TMEM132E: variants seen among roughly 807,000 people sequenced by gnomAD.
TMEM132E encodes the protein transmembrane protein 132E.
A neutral mutation model predicts 78.5 loss-of-function variants in TMEM132E; 49 were observed. The observed-to-expected ratio is 0.62, with a 90% confidence interval of 0.50 to 0.79. The LOEUF is 0.79. TMEM132E is among the 30% of genes least tolerant of loss of function. TMEM132E has a pLI of 0.00. For missense variants in TMEM132E, 1,403 were observed against 1,470.9 expected (o/e 0.95, Z 0.75); for synonymous variants, 715 against 670.6 (o/e 1.07, Z -1.02).
At position 34,612,462 on chromosome 17, in the gene TMEM132E, C is replaced by G. The variant is rs538921087; in HGVS notation, c.68-13665C>G. Among the ~76,000 whole-genome samples, 414 of 152,296 alleles carry G rather than the reference C, an allele frequency of 2.7e-3. 5 individuals are homozygous for G. Among genetic ancestry groups the G allele is most frequent in the African/African-American group, 9.6e-3 (397 of 41,564 alleles). ...ATGGGACCCAACTGTGGAGCCCCGG[C>G]AGAGCCCCCACTCAGAGGTAGGAGT... On this transcript the variant is annotated intron_variant, in intron 1 of 8. Coordinates refer to ENST00000631683, the MANE Select transcript of TMEM132E (RefSeq NM_001304438.2).
chr17:34,614,196 G>A (rs569995848), intron 1 of TMEM132E, among the ~76,000 whole-genome samples: 2 of 152,298 alleles, frequency 1.3e-5, no homozygotes, highest in African/African-American at 4.8e-5. Flanking sequence ...CACTAGGAAA[G>A]AGAGGCTCTT....
intron 2 of TMEM132E, among the ~76,000 whole-genome samples, chr17:34,627,926 T>C (rs1907211486): frequency 6.6e-6 from 1 of 152,226 alleles, no homozygotes; most frequent in South Asian, 2.1e-4. Context: ...GGAGTAGAGC[T>C]TGCAGAATTA....
chr17:34,581,799 C>T (rs1299712194), intron 1 of TMEM132E, among the ~76,000 whole-genome samples: 1 of 150,700 alleles, frequency 6.6e-6, no homozygotes, highest in Admixed American at 6.6e-5. Context: ...GCTCCGCGCT[C>T]TCGCATTCTG....
At chr17:34,586,504 G>C (rs567869199) in intron 1 of TMEM132E, among the ~76,000 whole-genome samples, 1 of 151,946 alleles carries the variant, frequency 6.6e-6, no homozygotes. Flanking sequence ...CCAGAGAAAG[G>C]GGGGACTGAG....
chr17:34,623,401 T>TCCCCC (rs5820092), intron 1 of TMEM132E, among the ~76,000 whole-genome samples: 2 of 144,902 alleles, frequency 1.4e-5, no homozygotes, highest in Non-Finnish European at 3.0e-5. Flanking sequence ...TAGTACCCGC[T>TCCCCC]CCCCCCCCCC....
chr17:34,622,657 C>T (rs184311392), intron 1 of TMEM132E, among the ~76,000 whole-genome samples: 2 of 152,358 alleles, frequency 1.3e-5, no homozygotes, highest in African/African-American at 2.4e-5. Flanking sequence ...ACTCATTACC[C>T]TCACAGCATC....
At chr17:34,599,159 G>T (rs1023951252) in intron 1 of TMEM132E, among the ~76,000 whole-genome samples, 8 of 152,184 alleles carry the variant, frequency 5.3e-5, no homozygotes, top group Admixed American at 5.2e-4. Context: ...TGAGGTTCCT[G>T]GTTCTGTCCA....
At position 34,626,385 on chromosome 17, in the gene TMEM132E, A is replaced by G. The variant is rs1277850134; in HGVS notation, c.326A>G (p.Gln109Arg). The G allele has an allele frequency of 1.2e-6, 2 of 1,613,294 alleles. No individual in the cohort carries two copies. ...CAGGTGGTGGCGCGGGAGCTCCTGCAGCCGTCCAGCACCCTGGACATCCCC... is the reference window on the plus strand; with the variant it reads ...CAGGTGGTGGCGCGGGAGCTCCTGCGGCCGTCCAGCACCCTGGACATCCCC... ...TSQVVARELL[Q>R]PSSTLDIPER... Residue 109 changes from glutamine to arginine, a missense_variant, in exon 2 of 9, where the codon CAG becomes CGG. This residue lies in a region of TMEM132E where 511 missense variants were observed against 499.0 expected (regional missense o/e 1.02). Coordinates refer to ENST00000631683, the MANE Select transcript of TMEM132E (RefSeq NM_001304438.2).
chr17:34,612,228 A>G (rs1342791680), intron 1 of TMEM132E, among the ~76,000 whole-genome samples: 2 of 152,204 alleles, frequency 1.3e-5, no homozygotes, highest in African/African-American at 4.8e-5. Context: ...GCCACTGAAG[A>G]CACTAGGAAA....
At chr17:34,616,217 G>A (rs957059800) in intron 1 of TMEM132E, among the ~76,000 whole-genome samples, 8 of 152,158 alleles carry the variant, frequency 5.3e-5, no homozygotes, top group African/African-American at 1.9e-4. Context: ...CCTGGGAGGG[G>A]ATTCAGGGCA....
chr17:34,594,619 T>A (rs1231086644), intron 1 of TMEM132E, among the ~76,000 whole-genome samples: 1 of 152,156 alleles, frequency 6.6e-6, no homozygotes, highest in Non-Finnish European at 1.5e-5. Context: ...GTTTGTTTGT[T>A]TTGTATTTTA....
Position 34,627,035 on chromosome 17 carries a change from A to G in TMEM132E, c.976A>G (p.Ser326Gly), listed in dbSNP as rs775916369. The G allele has an allele frequency of 4.3e-6, 7 of 1,612,990 alleles. No individual in the cohort carries two copies. Among genetic ancestry groups the G allele is most frequent in the Non-Finnish European group, 5.9e-6 (7 of 1,179,786 alleles). Reference protein sequence around the residue: ...APNSSSPSSPSVEHFTLRVKA... With the variant: ...APNSSSPSSPGVEHFTLRVKA... ...CAACTCCTCCTCGCCCTCCAGCCCC[A>G]GCGTGGAGCACTTCACACTCAGGTA... The change falls in exon 2 of 9, where the codon AGC becomes GGC. Residue 326 changes from serine to glycine, a missense_variant. Transcript: ENST00000631683.
At chr17:34,581,526 GT>G (rs1168903576) in intron 1 of TMEM132E, among the ~76,000 whole-genome samples, 1 of 152,122 alleles carries the variant, frequency 6.6e-6, no homozygotes, top group Non-Finnish European at 1.5e-5. Flanking sequence ...GCTGGGGGCT[GT>G]TGGGATCCGC....
chr17:34,610,781 C>T (rs151166933), intron 1 of TMEM132E, among the ~76,000 whole-genome samples: 1,988 of 152,230 alleles, frequency 0.013, 19 homozygotes, highest in Middle Eastern at 0.017. Context: ...GCAAGTGGGT[C>T]GGGGCTGCTA....
intron 1 of TMEM132E, among the ~76,000 whole-genome samples, chr17:34,609,340 G>A (rs1281316637): frequency 1.3e-5 from 2 of 152,256 alleles, no homozygotes; most frequent in East Asian, 3.9e-4. Context: ...GGGGAGAGGT[G>A]GGGAGGAAGA....
intron 1 of TMEM132E, among the ~76,000 whole-genome samples, chr17:34,620,838 G>A (rs779168056): frequency 9.2e-4 from 140 of 152,242 alleles, no homozygotes; most frequent in Middle Eastern, 6.8e-3. Flanking sequence ...AGGATGAGGG[G>A]GACCCCCACA....
rs1003726532 is a variant in TMEM132E at position 34,626,748 on chromosome 17, C to T, written c.689C>T (p.Ala230Val). 83 of 1,385,272 alleles carry T rather than the reference C, an allele frequency of 6.0e-5. 1 individual carries two copies. In the East Asian group the frequency reaches 2.1e-3, roughly 35 times the overall value. 85.8% of individuals were successfully genotyped at this position (1,385,272 alleles called of 1,614,324 possible). Residue 230 changes from alanine (A) to valine (V), a missense_variant, in exon 2 of 9, where the codon GCC (alanine) becomes GTC (valine). Ala to Val is a moderately conservative substitution (Grantham distance 64). This residue lies in a region of TMEM132E where 511 missense variants were observed against 499.0 expected (regional missense o/e 1.02). Transcript: ENST00000631683. Reference sequence around the variant, plus strand: ...GAGGCGACGGGGGAGAGCCAGCAGGCCGAGCTCTACTACACGCTCCACGCC... The same window carrying T: ...GAGGCGACGGGGGAGAGCCAGCAGGTCGAGCTCTACTACACGCTCCACGCC... ...EPEATGESQQ[A>V]ELYYTLHAPD...
rs1907234289 is a variant in TMEM132E, at chr17:34,628,550, C to T, written c.999-13C>T. ...CTGACCCTCTCCCTCTTCTTCCTCC[C>T]ACTTTGTCCCAGGGTGAAGGCCAAG... On this transcript the variant is annotated splice_polypyrimidine_tract_variant and intron_variant, in intron 2 of 8. Transcript: ENST00000631683. The T allele has an allele frequency of 6.2e-7, 1 of 1,613,542 alleles. No individual in the cohort carries two copies. The highest frequency in any genetic ancestry group is 1.1e-5 in the South Asian group (1 of 90,894).
chr17:34,631,861 G>T (rs930000002), intron 5 of TMEM132E, among the ~76,000 whole-genome samples: 3 of 152,218 alleles, frequency 2.0e-5, no homozygotes, highest in Non-Finnish European at 2.9e-5. Flanking sequence ...CACAGGATCC[G>T]TTCTGGGGTG....
Sources: allele counts gnomAD v4.1 joint callset (sites outside exome capture counted in the v4.1 genomes callset), GRCh38; gene constraint gnomAD v4.1.1; regional missense constraint gnomAD v4.1.1; transcripts MANE v1.5; gene names NCBI Gene and HGNC (gene_info 2026-07-23, HGNC 2026-07-21).